The following ZNF606 variants were observed in gnomAD, a reference collection of about 807,000 sequenced individuals.
ZNF606 encodes the protein zinc finger protein 606.
A neutral mutation model predicts 74.9 loss-of-function variants in ZNF606; 37 were observed. The ratio of observed to expected loss-of-function variants is 0.49; its 90% CI spans 0.38 to 0.65. The LOEUF (loss-of-function observed/expected upper bound fraction) is 0.65, where lower values mean the gene tolerates loss of function less well. Ranked by LOEUF, ZNF606 falls within the 30% of genes least tolerant of loss-of-function variation. The probability of loss-of-function intolerance (pLI) is 0.00; values close to 1 mark genes in which losing one functional copy is unlikely to be tolerated. For synonymous variants in ZNF606, 328 were observed against 312.4 expected (o/e 1.05, Z -0.53); for missense variants, 852 against 952.9 (o/e 0.89, Z 1.39).
intron 3 of ZNF606, 66 bp from the exon 4 acceptor site, chr19:57,999,962 G>A: frequency 6.7e-7 from 1 of 1,502,390 alleles, no homozygotes; most frequent in Non-Finnish European, 9.1e-7. Flanking sequence ...TTCTTCTGGG[G>A]GGCTGAGAAC....
intron 3 of ZNF606, chr19:58,000,315 G>T (rs1600229626): frequency 4.0e-6 from 2 of 500,090 alleles, no homozygotes; most frequent in South Asian, 6.5e-5. Context: ...TCCGCCTCCT[G>T]GCTTCACGCC....
At chr19:57,982,401 A>G (rs1240004925) in intron 6 of ZNF606, among the ~76,000 whole-genome samples, 2 of 152,154 alleles carry the variant, frequency 1.3e-5, no homozygotes, top group Non-Finnish European at 2.9e-5. Flanking sequence ...TAATCTCCCC[A>G]CAGCAAGATC....
At chr19:57,985,286 C>T (rs2073147841) in intron 6 of ZNF606, among the ~76,000 whole-genome samples, 2 of 152,180 alleles carry the variant, frequency 1.3e-5, no homozygotes, top group South Asian at 2.1e-4. Context: ...ACAGCCCCCA[C>T]TTCTGGTACT....
chr19:57,997,431 A>T (rs1055820051), intron 4 of ZNF606: 8 of 152,218 alleles, frequency 5.3e-5, no homozygotes, highest in African/African-American at 1.9e-4. Context: ...TTCAATAAAT[A>T]CTTAACTTGG....
At chr19:57,998,328 G>A (rs1352010060) in intron 4 of ZNF606, 1 of 151,976 alleles carries the variant, frequency 6.6e-6, no homozygotes, top group Non-Finnish European at 1.5e-5. Flanking sequence ...TTTTTACAAT[G>A]TAATTACATT....
At chr19:58,003,240 C>T (rs543277562), upstream of ZNF606, 22 of 456,770 alleles carry the variant, frequency 4.8e-5, no homozygotes, top group Non-Finnish European at 9.3e-5. Context: ...CTACCCTTCT[C>T]TGTGAAGCTC....
chr19:57,997,749 T>C (rs2073360007), intron 4 of ZNF606: 1 of 152,296 alleles, frequency 6.6e-6, no homozygotes, highest in African/African-American at 2.4e-5. Flanking sequence ...AGCTAACTTC[T>C]ACTCCTCAGA....
intron 4 of ZNF606, 170 bp downstream of exon 4, chr19:57,999,638 A>G (rs955408044): frequency 2.2e-5 from 14 of 639,602 alleles, no homozygotes; most frequent in Non-Finnish European, 2.8e-5. Context: ...AAGGCTCCGA[A>G]TCACTAAAAA....
chr19:57,987,556 G>A (rs904070911), intron 6 of ZNF606, among the ~76,000 whole-genome samples: 3 of 152,114 alleles, frequency 2.0e-5, no homozygotes, highest in Non-Finnish European at 2.9e-5. Context: ...AGCCGGGAAC[G>A]GTGGCTCATG....
At position 57,978,385 on chromosome 19, in the gene ZNF606, T is replaced by C. The variant is rs1022705793; in HGVS notation, c.2295A>G (p.Ile765Met). 5.6e-6 allele frequency: 9 copies of C among 1,613,172 alleles called. No homozygotes were observed. Among genetic ancestry groups the C allele is most frequent in the African/African-American group, 1.3e-5 (1 of 75,046 alleles). The change falls in exon 7 of 7, where the codon ATA becomes ATG. Residue 765 changes from isoleucine (I) to methionine (M), a missense_variant. By Grantham distance (10) the Ile-to-Met change is conservative. This residue lies in a region of ZNF606 where 64 missense variants were observed against 51.1 expected (regional missense o/e 1.25). Transcript: ENST00000551380. This position sits in a 1 kb window ranked among gnomAD's most constrained non-coding sequence, Gnocchi z 4.4. ...QRMHSGEKRF[I>M]CSECGKAFSG... is the part of the protein sequence containing the mutation. Reference sequence around the variant, plus strand: ...TAAAGGCTTTTCCACATTCACTGCATATAAAGCGTTTCTCTCCACTATGCA... The same window carrying C: ...TAAAGGCTTTTCCACATTCACTGCACATAAAGCGTTTCTCTCCACTATGCA...
chr19:57,988,870 T>A, intron 4 of ZNF606, 149 bp from the exon 5 acceptor site: 1 of 1,301,802 alleles, frequency 7.7e-7, no homozygotes, highest in Non-Finnish European at 1.1e-6. Flanking sequence ...GTGAGTCAGG[T>A]CTCATTGAGA....
At chr19:58,000,581 T>C (rs1568585737) in intron 3 of ZNF606, 102 bp downstream of exon 3, 2 of 1,309,682 alleles carry the variant, frequency 1.5e-6, no homozygotes, top group Non-Finnish European at 2.2e-6. Flanking sequence ...CCACCTGCCC[T>C]AAAGCCCCAC....
At position 58,000,713 on chromosome 19, in the gene ZNF606, T is replaced by C. The variant is rs2073412147; in HGVS notation, c.58A>G (p.Met20Val). The C allele has an allele frequency of 1.2e-6, 2 of 1,610,428 alleles. No homozygotes were observed. The highest frequency in any genetic ancestry group is 2.2e-5 in the East Asian group (1 of 44,754). The change falls in exon 3 of 7, where the codon ATG becomes GTG. Residue 20 changes from methionine (M) to valine (V), a missense_variant. Met to Val is a conservative substitution (Grantham distance 21, BLOSUM62 1). Coordinates refer to ENST00000551380, the MANE Select transcript of ZNF606 (RefSeq NM_001348022.3). ...GAGGCCCATGGGTCAACAGCTGTCA[T>C]CCCCCAAGATTGGTCCGTAAGGGCA... The part of the protein sequence containing the change: ...WGALTDQSWG[M>V]TAVDPWASWA...
Position 58,002,581 on chromosome 19 carries a change from G to C in ZNF606, c.-237C>G, listed in dbSNP as rs780144820. On this transcript the variant is annotated 5_prime_UTR_variant, in exon 1 of 7. Transcript: ENST00000551380. ...CAGCAGAGTTCACCCAGGCCCGTCC[G>C]ACCAGAAAACGAAGAACGCCCGGAG... is the stretch of plus-strand genomic sequence containing the variant. 8 of 438,462 alleles carry C rather than the reference G, an allele frequency of 1.8e-5. No individual in the cohort carries two copies. Among genetic ancestry groups the C allele is most frequent in the Non-Finnish European group, 1.4e-5 (3 of 218,678 alleles). 27.2% of individuals were successfully genotyped at this position (438,462 alleles called of 1,614,324 possible). A position where few individuals can be genotyped will look rare whatever the true frequency, so the allele number is the denominator to read the frequency against.
intron 4 of ZNF606, among the ~76,000 whole-genome samples, chr19:57,989,374 G>A (rs11883031): frequency 0.013 from 1,913 of 151,868 alleles, 45 homozygotes; most frequent in African/African-American, 0.042. Flanking sequence ...ACTGGAAAAC[G>A]AGAAGGAAAA....
At chr19:57,994,341 A>T (rs2073304058) in intron 4 of ZNF606, among the ~76,000 whole-genome samples, 1 of 152,160 alleles carries the variant, frequency 6.6e-6, no homozygotes, top group African/African-American at 2.4e-5. Flanking sequence ...AGCAGCTAAC[A>T]GAAGAGCCCA....
At chr19:57,987,424 G>A (rs1463724612) in intron 6 of ZNF606, among the ~76,000 whole-genome samples, 2 of 151,854 alleles carry the variant, frequency 1.3e-5, no homozygotes, top group Non-Finnish European at 2.9e-5. Flanking sequence ...TTTTAATAAA[G>A]GAGATTTTTT....
chr19:57,996,924 C>A (rs2073349255), intron 4 of ZNF606, among the ~76,000 whole-genome samples: 1 of 152,222 alleles, frequency 6.6e-6, no homozygotes. Flanking sequence ...AATCTGCTAA[C>A]AAACCAGCCA....
intron 5 of ZNF606, 92 bp from the exon 6 acceptor site, chr19:57,988,394 C>T: frequency 7.0e-7 from 1 of 1,424,674 alleles, no homozygotes; most frequent in Non-Finnish European, 9.7e-7. Context: ...TGTGACTTCT[C>T]AACCTGGGCA....
Sources: gnomAD v4.1 joint callset for allele counts (sites outside exome capture counted in the v4.1 genomes callset) on GRCh38, gnomAD v4.1.1 for gene constraint, gnomAD v4.1.1 regional missense constraint, Gnocchi (gnomAD v3.1) non-coding constraint, MANE v1.5 for transcripts, NCBI Gene and HGNC (gene_info 2026-07-23, HGNC 2026-07-21) for gene names.